SPRY1: variants seen among roughly 807,000 people sequenced by gnomAD.
The protein encoded by SPRY1 is sprouty RTK signaling antagonist 1.
Under a neutral mutation model 22.6 loss-of-function variants are expected in SPRY1, and 20 were observed. The observed-to-expected ratio is 0.89, with a 90% CI of 0.62 to 1.29. SPRY1 has a LOEUF of 1.29. Among genes scored for constraint, SPRY1 ranks in the 50% most tolerant of loss-of-function variants. SPRY1 has a pLI of 0.00. For missense variants in SPRY1, 446 were observed against 387.7 expected, an observed-to-expected ratio of 1.15 and a Z score of -1.26; for synonymous variants, 155 against 144.7, an observed-to-expected ratio of 1.07 and a Z score of -0.51.
Position 123,402,303 on chromosome 4 carries a change from G to A in SPRY1, c.712G>A (p.Gly238Arg), listed in dbSNP as rs777102609. The change falls in exon 3 of 3, where the codon GGG (glycine) becomes AGG (arginine). Residue 238 changes from glycine to arginine, a missense_variant. By Grantham distance (125) the Gly-to-Arg change is moderately radical. Coordinates refer to ENST00000651917, the MANE Select transcript of SPRY1 (RefSeq NM_001258038.2). ...CTACCACTGCTCCAATGACGACGAA[G>A]GGGATTCCTATTCAGATAATCCTTG... ...IFYHCSNDDEGDSYSDNPCSC... is the reference protein window; with the variant it reads ...IFYHCSNDDERDSYSDNPCSC... 6.2e-7 allele frequency: 1 copy of A among 1,614,190 alleles called. No homozygotes were observed. The highest frequency in any genetic ancestry group is 1.3e-5 in the African/African-American group (1 of 75,050).
At chr4:123,398,371 A>T (rs1038845128) in intron 2 of SPRY1, 2 of 150,482 alleles carry the variant, frequency 1.3e-5, no homozygotes, top group East Asian at 4.0e-4. Context: ...GGGGCGGGGG[A>T]GGCCGCGAGC....
At position 123,402,412 on chromosome 4, in the gene SPRY1, C is replaced by T. The variant is rs760299005; in HGVS notation, c.821C>T (p.Pro274Leu). 1.9e-6 allele frequency: 3 copies of T among 1,614,158 alleles called. No homozygotes were observed. The highest frequency in any genetic ancestry group is 1.3e-5 in the African/African-American group (1 of 75,046). ...SLFLPCLLCY[P>L]PAKGCLKLCR... ...TTTTTACCTTGCTTACTCTGTTATC[C>T]TCCTGCTAAAGGATGCCTGAAGCTG... The change falls in exon 3 of 3, where the codon CCT (proline) becomes CTT (leucine). Residue 274 changes from proline to leucine, a missense_variant. Transcript: ENST00000651917.
chr4:123,401,036 T>C (rs1725125686), intron 2 of SPRY1, among the ~76,000 whole-genome samples: 1 of 152,206 alleles, frequency 6.6e-6, no homozygotes, highest in African/African-American at 2.4e-5. Flanking sequence ...TTTAATGCCT[T>C]AATTTTTTTC....
At position 123,397,826 on chromosome 4, in the gene SPRY1, C is replaced by G. The variant is rs564863390; in HGVS notation, c.-86C>G. 3.2e-4 allele frequency: 36 copies of G among 113,222 alleles called. No homozygotes were observed. The highest frequency in any genetic ancestry group is 1.1e-3 in the African/African-American group (35 of 32,362). The allele number at this position is 113,222 out of a possible 1,614,324, so 7.0% of individuals were successfully genotyped here. A position where few individuals can be genotyped will look rare whatever the true frequency, so the allele number is the denominator to read the frequency against. ...CCCAAACCTCACTCTCTTCACTCCT[C>G]CCCGCTAAAAAAAAAAAAAAAAAGA... On this transcript the variant is annotated 5_prime_UTR_variant, in exon 2 of 3. Coordinates refer to ENST00000651917, the MANE Select transcript of SPRY1 (RefSeq NM_001258038.2).
Position 123,402,491 on chromosome 4 carries a change from C to T in SPRY1, c.900C>T (p.Ser300=). 1.9e-6 allele frequency: 3 copies of T among 1,614,140 alleles called. No individual in the cohort carries two copies. Among genetic ancestry groups the T allele is most frequent in the Non-Finnish European group, 2.5e-6 (3 of 1,180,018 alleles). ...IHRPGCRCKN[S]NTVYCKLESC... ...GCCCAGGGTGCAGATGTAAGAACTC[C>T]AACACTGTCTATTGTAAGCTGGAGA... The change falls in exon 3 of 3, where the codon TCC becomes TCT. Residue 300 remains serine, a synonymous_variant. Coordinates refer to ENST00000651917, the MANE Select transcript of SPRY1 (RefSeq NM_001258038.2).
At chr4:123,397,900 C>T (rs13150612) in intron 2 of SPRY1, 44 bp downstream of exon 2, 64,932 of 151,194 alleles carry the variant, frequency 0.43, 15,701 homozygotes, top group Non-Finnish European at 0.54. Context: ...CAGCCTCTGC[C>T]TGGCAGGCGC....
Position 123,402,780 on chromosome 4 carries a change from A to C in SPRY1, c.*229A>C, listed in dbSNP as rs555922465. The C allele has an allele frequency of 3.3e-6, 2 of 601,750 alleles. No individual in the cohort carries two copies. Among genetic ancestry groups the C allele is most frequent in the East Asian group, 5.6e-5 (2 of 35,502 alleles). 37.3% of individuals were successfully genotyped at this position (601,750 alleles called of 1,614,324 possible). ...CCCACTTTCAACAAGAGCCTCTGCC[A>C]TCCACTTGAGGGTATTGAGAGCCAG... On this transcript the variant is annotated 3_prime_UTR_variant, in exon 3 of 3. Coordinates refer to ENST00000651917, the MANE Select transcript of SPRY1 (RefSeq NM_001258038.2).
At chr4:123,400,825 G>T (rs1293942087) in intron 2 of SPRY1, among the ~76,000 whole-genome samples, 2 of 152,074 alleles carry the variant, frequency 1.3e-5, no homozygotes, top group African/African-American at 4.8e-5. Flanking sequence ...TCAAATATGA[G>T]TACTGTTATA....
chr4:123,400,860 A>C (rs1162079837), intron 2 of SPRY1, among the ~76,000 whole-genome samples: 3 of 152,186 alleles, frequency 2.0e-5, no homozygotes, highest in South Asian at 2.1e-4. Context: ...CTATACATTG[A>C]GTCTTGTGTG....
intron 2 of SPRY1, among the ~76,000 whole-genome samples, chr4:123,398,685 G>A (rs1725017925): frequency 6.6e-6 from 1 of 152,086 alleles, no homozygotes. Context: ...GCCGCTCCCT[G>A]CCCCCTGGGG....
Position 123,401,550 on chromosome 4 carries a change from T to G in SPRY1, c.-42T>G, listed in dbSNP as rs1725151940. ...ATTTCGTTTTAGGATTTCAGATGCA[T>G]GCCAGGTTTCCACTGATTGCCAGAA... On this transcript the variant is annotated 5_prime_UTR_variant, in exon 3 of 3. The change abolishes an upstream ATG in the 5' untranslated region. Coordinates refer to ENST00000651917, the MANE Select transcript of SPRY1 (RefSeq NM_001258038.2). 2 of 1,580,798 alleles carry G rather than the reference T, an allele frequency of 1.3e-6. No individual in the cohort carries two copies. The highest frequency in any genetic ancestry group is 1.2e-5 in the South Asian group (1 of 86,666).
intron 2 of SPRY1, among the ~76,000 whole-genome samples, chr4:123,398,814 C>T: frequency 6.6e-6 from 1 of 151,418 alleles, no homozygotes; most frequent in East Asian, 1.9e-4. Context: ...GCGCGGTGGC[C>T]CAGGTTGTCC....
At chr4:123,399,540 A>C (rs1033135825) in intron 2 of SPRY1, 9 of 152,318 alleles carry the variant, frequency 5.9e-5, no homozygotes, top group African/African-American at 2.2e-4. Flanking sequence ...CAGAGGGCGC[A>C]GCTCCACCGT....
At chr4:123,399,231 C>T (rs550248823) in intron 2 of SPRY1, among the ~76,000 whole-genome samples, 1 of 152,162 alleles carries the variant, frequency 6.6e-6, no homozygotes, top group African/African-American at 2.4e-5. Flanking sequence ...CAAAAATTAG[C>T]CGGCCGTGGT....
chr4:123,402,475 G>A lies in SPRY1; in HGVS notation c.884G>A (p.Cys295Tyr). The change falls in exon 3 of 3, where the codon TGC becomes TAC. Residue 295 changes from cysteine (C) to tyrosine (Y), a missense_variant. Coordinates refer to ENST00000651917, the MANE Select transcript of SPRY1 (RefSeq NM_001258038.2). ...RCYDWIHRPG[C>Y]RCKNSNTVYC... ...TATGACTGGATCCATCGCCCAGGGT[G>A]CAGATGTAAGAACTCCAACACTGTC... The A allele has an allele frequency of 6.2e-7, 1 of 1,614,180 alleles. No homozygotes were observed. The highest frequency in any genetic ancestry group is 8.5e-7 in the Non-Finnish European group (1 of 1,180,030).
chr4:123,399,922 T>C (rs1725081834), intron 2 of SPRY1: 2 of 152,214 alleles, frequency 1.3e-5, no homozygotes, highest in Non-Finnish European at 2.9e-5. Context: ...GGTGGCGAAT[T>C]TTCTTTGCTT....
rs1296875324 is a variant in SPRY1 at position 123,401,568 on chromosome 4, T to G, written c.-24T>G. Reference sequence around the variant, plus strand: ...AGATGCATGCCAGGTTTCCACTGATTGCCAGAACTCGAGATCACTACACAT... The same window carrying G: ...AGATGCATGCCAGGTTTCCACTGATGGCCAGAACTCGAGATCACTACACAT... On this transcript the variant is annotated 5_prime_UTR_variant, in exon 3 of 3. The change creates a new upstream start codon in the 5' untranslated region. Coordinates refer to ENST00000651917, the MANE Select transcript of SPRY1 (RefSeq NM_001258038.2). The G allele has an allele frequency of 6.3e-7, 1 of 1,599,112 alleles. No individual in the cohort carries two copies. Among genetic ancestry groups the G allele is most frequent in the Non-Finnish European group, 8.5e-7 (1 of 1,169,614 alleles).
Position 123,399,200 on chromosome 4 carries a change from ACC to A in SPRY1, c.-56+1347_-56+1348del, listed in dbSNP as rs200552062. Among the ~76,000 whole-genome samples the A allele has an allele frequency of 5.5e-3, 833 of 151,964 alleles. 4 individuals carry two copies. Among genetic ancestry groups the A allele is most frequent in the Non-Finnish European group, 8.3e-3 (563 of 67,972 alleles). The stretch of plus-strand genomic sequence containing the variant: ...GAGACCAGCCCGACCAACTGATGAA[ACC>A]CCGTCTTTACTAAAAATGCAAAAAT... On this transcript the variant is annotated intron_variant, in intron 2 of 2. Transcript: ENST00000651917.
chr4:123,402,123 A>G lies in SPRY1; in HGVS notation c.532A>G (p.Lys178Glu). The G allele has an allele frequency of 6.2e-7, 1 of 1,614,200 alleles. No homozygotes were observed. The change falls in exon 3 of 3, where the codon AAG (lysine) becomes GAG (glutamate). Residue 178 changes from lysine (K) to glutamate (E), a missense_variant. Lys to Glu is a moderately conservative substitution (Grantham distance 56, BLOSUM62 1). Coordinates refer to ENST00000651917, the MANE Select transcript of SPRY1 (RefSeq NM_001258038.2). ...CTTGAAAGAGGACCTGACACAGCACAAGTTCATTTGTGAACAGTGTGGGAA... is the reference window on the plus strand; with the variant it reads ...CTTGAAAGAGGACCTGACACAGCACGAGTTCATTTGTGAACAGTGTGGGAA... ...GSLKEDLTQH[K>E]FICEQCGKCK...
Sources: gnomAD v4.1 joint callset for allele counts (sites outside exome capture counted in the v4.1 genomes callset) on GRCh38, gnomAD v4.1.1 for gene constraint, MANE v1.5 for transcripts, NCBI Gene and HGNC (gene_info 2026-07-23, HGNC 2026-07-21) for gene names.